Variants in TUSC3 observed in about 807,000 individuals in gnomAD.
TUSC3 encodes dolichyl-diphosphooligosaccharide--protein glycosyltransferase subunit TUSC3.
TUSC3 carries 45 observed loss-of-function variants against 44.8 expected under a neutral mutation model. The ratio of observed to expected loss-of-function variants is 1.00; its 90% CI spans 0.79 to 1.29. The LOEUF (loss-of-function observed/expected upper bound fraction) is 1.29. Ranked by LOEUF, TUSC3 falls within the 50% of genes most tolerant of loss-of-function variation. The pLI, the probability that TUSC3 is intolerant of heterozygous loss-of-function variation, is 0.00. For synonymous variants in TUSC3, 212 were observed against 152.9 expected, an observed-to-expected ratio of 1.39 and a Z score of -2.85; for missense variants, 519 against 437.9, an observed-to-expected ratio of 1.19 and a Z score of -1.65.
intron 9 of TUSC3, 116 bp downstream of exon 9, chr8:15,748,581 AGTTAAG>A (rs750062528): frequency 4.0e-6 from 4 of 988,238 alleles, no homozygotes; most frequent in Non-Finnish European, 4.8e-6. Context: ...TTTTAAATTC[AGTTAAG>A]CAAGTTTTTG....
chr8:15,801,177 T>C, the TUSC3 span, among the ~76,000 whole-genome samples: 5 of 152,200 alleles, frequency 3.3e-5, no homozygotes, highest in Non-Finnish European at 7.3e-5. Context: ...TATTTCTTGA[T>C]TATATGCTAA....
At chr8:15,772,350 C>T in the TUSC3 span, among the ~76,000 whole-genome samples, 26 of 152,078 alleles carry the variant, frequency 1.7e-4, no homozygotes, top group Non-Finnish European at 2.9e-4. Context: ...GAAGTGGGAA[C>T]ATTAATACCC....
At chr8:15,702,309 A>T (rs150798257) in intron 6 of TUSC3, among the ~76,000 whole-genome samples, 1 of 152,176 alleles carries the variant, frequency 6.6e-6, no homozygotes, top group Non-Finnish European at 1.5e-5. Flanking sequence ...TTGTTGAGCC[A>T]CTTCTTAAAC....
chr8:15,743,490 A>C (rs1811279514), intron 7 of TUSC3, 48 bp from the exon 8 acceptor site: 1 of 1,595,648 alleles, frequency 6.3e-7, no homozygotes, highest in Admixed American at 1.7e-5. Context: ...AAAAATTAAT[A>C]GATTTTATTC....
At chr8:15,483,081 C>T (rs1800683767) in intron 1 of TUSC3, among the ~76,000 whole-genome samples, 2 of 152,084 alleles carry the variant, frequency 1.3e-5, no homozygotes, top group South Asian at 4.1e-4. Context: ...TCTATTCATA[C>T]ACATTGAACA....
chr8:15,668,444 G>T (rs897842054), intron 5 of TUSC3, among the ~76,000 whole-genome samples: 1 of 151,606 alleles, frequency 6.6e-6, no homozygotes, highest in Non-Finnish European at 1.5e-5. Context: ...TGAAAGCTAC[G>T]TGTATCAAAA....
chr8:15,841,381 A>G, the TUSC3 span, among the ~76,000 whole-genome samples: 1 of 152,006 alleles, frequency 6.6e-6, no homozygotes, highest in African/African-American at 2.4e-5. Flanking sequence ...CTTCCTTTCT[A>G]TTTGTATGCA....
At chr8:15,725,630 G>A (rs1810469071) in intron 6 of TUSC3, among the ~76,000 whole-genome samples, 1 of 133,968 alleles carries the variant, frequency 7.5e-6, no homozygotes, top group East Asian at 2.2e-4. Flanking sequence ...GATGATGACG[G>A]TAGATTACAT....
chr8:15,734,475 T>A (rs868207489), intron 7 of TUSC3, among the ~76,000 whole-genome samples: 1 of 152,220 alleles, frequency 6.6e-6, no homozygotes, highest in Non-Finnish European at 1.5e-5. Context: ...TATTTTAATA[T>A]GGAATATAAA....
At chr8:15,687,068 G>T (rs760936246) in intron 6 of TUSC3, among the ~76,000 whole-genome samples, 1 of 151,842 alleles carries the variant, frequency 6.6e-6, no homozygotes, top group African/African-American at 2.4e-5. Context: ...GCAAGACTCC[G>T]TCTCAAAAAA....
At chr8:15,797,375 C>T in the TUSC3 span, among the ~76,000 whole-genome samples, 28 of 152,038 alleles carry the variant, frequency 1.8e-4, no homozygotes, top group East Asian at 5.4e-3. Context: ...GCTTTGAGGT[C>T]TGATGAGACA....
intron 5 of TUSC3, among the ~76,000 whole-genome samples, chr8:15,666,673 A>G (rs949945649): frequency 6.6e-6 from 1 of 151,426 alleles, no homozygotes; most frequent in Admixed American, 6.6e-5. Context: ...TTTAGTATAT[A>G]CATATAATCT....
At position 15,571,642 on chromosome 8, in the gene TUSC3, T is replaced by C. The variant is rs138622796; in HGVS notation, c.138+31074T>C. On this transcript the variant is annotated intron_variant, in intron 1 of 10. Coordinates refer to ENST00000503731, the MANE Select transcript of TUSC3 (RefSeq NM_006765.4). ...GCTGGCAACTTCTTAAGAAATTAAG[T>C]TGGCCACATTGATTCCCTCTTTATT... 1.1e-3 allele frequency among the ~76,000 whole-genome samples: 169 copies of C among 152,274 alleles called. 2 individuals are homozygous for C. Among genetic ancestry groups the C allele is most frequent in the African/African-American group, 3.9e-3 (164 of 41,564 alleles).
chr8:15,709,050 A>G (rs1237263486), intron 6 of TUSC3, among the ~76,000 whole-genome samples: 1 of 151,938 alleles, frequency 6.6e-6, no homozygotes, highest in Non-Finnish European at 1.5e-5. Flanking sequence ...ATAGTTGATC[A>G]TTAAGCTTGG....
intron 10 of TUSC3, chr8:15,758,072 G>A (rs933002005): frequency 1.9e-5 from 26 of 1,341,576 alleles, no homozygotes; most frequent in African/African-American, 7.3e-5. Flanking sequence ...AGACTGACAC[G>A]TGGAGTTAAT....
At chr8:15,582,115 TC>T (rs1288385239) in intron 1 of TUSC3, among the ~76,000 whole-genome samples, 1 of 150,516 alleles carries the variant, frequency 6.6e-6, no homozygotes, top group African/African-American at 2.4e-5. Flanking sequence ...GAAAGGGAAC[TC>T]CCTGACCCCT....
At chr8:15,703,786 C>G (rs1000016254) in intron 6 of TUSC3, among the ~76,000 whole-genome samples, 2 of 152,086 alleles carry the variant, frequency 1.3e-5, no homozygotes, top group African/African-American at 4.8e-5. Flanking sequence ...CCCCATGATC[C>G]AAACTCCTCC....
intron 1 of TUSC3, among the ~76,000 whole-genome samples, chr8:15,446,736 G>C (rs900769515): frequency 8.6e-6 from 1 of 116,794 alleles, no homozygotes; most frequent in Non-Finnish European, 1.8e-5. Flanking sequence ...AGACAGGAGA[G>C]GGGGAGGGAG....
intron 8 of TUSC3, among the ~76,000 whole-genome samples, chr8:15,743,977 C>T (rs565080139): frequency 6.6e-6 from 1 of 152,258 alleles, no homozygotes; most frequent in East Asian, 1.9e-4. Flanking sequence ...GTAACATATT[C>T]CCTCTGCTAC....
Sources: allele counts gnomAD v4.1 joint callset (sites outside exome capture counted in the v4.1 genomes callset), GRCh38; gene constraint gnomAD v4.1.1; transcripts MANE v1.5; gene names NCBI Gene and HGNC (gene_info 2026-07-23, HGNC 2026-07-21).